AGBL4: variants seen among roughly 807,000 people sequenced by gnomAD.
The protein encoded by AGBL4 is AGBL carboxypeptidase 4.
Under a neutral mutation model 66.4 loss-of-function variants are expected in AGBL4, and 58 were observed. The ratio of observed to expected loss-of-function variants is 0.87; its 90% CI spans 0.71 to 1.09. The LOEUF (loss-of-function observed/expected upper bound fraction) is 1.09. AGBL4 is among the 50% of genes least tolerant of loss of function. The probability of loss-of-function intolerance (pLI) is 0.00; values close to 1 mark genes in which losing one functional copy is unlikely to be tolerated. For synonymous variants in AGBL4, 234 were observed against 222.9 expected, an observed-to-expected ratio of 1.05 and a Z score of -0.44; for missense variants, 579 against 631.0, an observed-to-expected ratio of 0.92 and a Z score of 0.88.
intron 3 of AGBL4, among the ~76,000 whole-genome samples, chr1:49,563,520 C>T (rs946233960): frequency 2.0e-5 from 3 of 151,950 alleles, no homozygotes; most frequent in Non-Finnish European, 4.4e-5. Context: ...TAGCATGAAG[C>T]GTTGTTGAAG....
At chr1:48,643,250 A>G (rs1645785850) in intron 8 of AGBL4, among the ~76,000 whole-genome samples, 1 of 152,162 alleles carries the variant, frequency 6.6e-6, no homozygotes, top group African/African-American at 2.4e-5. Flanking sequence ...CTGTGAGCTA[A>G]TAACAAAAAG....
Position 49,669,050 on chromosome 1 carries a change from C to T in AGBL4, c.282+28263G>A, listed in dbSNP as rs112763309. 1.8e-3 allele frequency among the ~76,000 whole-genome samples: 271 copies of T among 152,178 alleles called. 3 individuals carry two copies. Among genetic ancestry groups the T allele is most frequent in the African/African-American group, 6.0e-3 (251 of 41,536 alleles). ...AATGTTTCTGTCCTCAAGAAGCTCT[C>T]AGGCTAATGGAAGAGACACATATGC... On this transcript the variant is annotated intron_variant, in intron 3 of 13. Transcript: ENST00000371839.
chr1:48,576,166 A>G (rs924974392), intron 11 of AGBL4, among the ~76,000 whole-genome samples: 34 of 152,098 alleles, frequency 2.2e-4, no homozygotes, highest in African/African-American at 8.0e-4. Context: ...GATCATTATG[A>G]CCTGAGCTCC....
At chr1:49,571,099 C>CTT (rs35445920) in intron 3 of AGBL4, among the ~76,000 whole-genome samples, 2 of 143,542 alleles carry the variant, frequency 1.4e-5, no homozygotes, top group African/African-American at 2.5e-5. Flanking sequence ...TATTTTAGGC[C>CTT]TTTTTTTTTT....
At chr1:48,822,593 A>G (rs747569074) in intron 6 of AGBL4, among the ~76,000 whole-genome samples, 8 of 152,236 alleles carry the variant, frequency 5.3e-5, no homozygotes, top group Admixed American at 2.0e-4. Context: ...ATCTAAATGT[A>G]TATGTCTTTG....
chr1:49,128,595 A>C (rs1327326959), intron 4 of AGBL4, among the ~76,000 whole-genome samples: 1 of 152,096 alleles, frequency 6.6e-6, no homozygotes, highest in East Asian at 1.9e-4. Flanking sequence ...TTGACAAAAC[A>C]GCCAAAATAA....
chr1:49,113,667 T>C (rs1035897319), intron 4 of AGBL4, among the ~76,000 whole-genome samples: 2 of 152,232 alleles, frequency 1.3e-5, no homozygotes, highest in African/African-American at 2.4e-5. Context: ...CCTTATAAAA[T>C]GTATTTCTTA....
intron 2 of AGBL4, among the ~76,000 whole-genome samples, chr1:49,735,832 T>A (rs547070086): frequency 6.6e-6 from 1 of 152,176 alleles, no homozygotes; most frequent in East Asian, 1.9e-4. Flanking sequence ...GATAGAAGTA[T>A]AAAGACAGAG....
chr1:48,627,127 C>T (rs564514648), intron 9 of AGBL4, among the ~76,000 whole-genome samples: 15 of 152,226 alleles, frequency 9.9e-5, no homozygotes, highest in African/African-American at 3.6e-4. Context: ...CAGGTATGGA[C>T]ACTCGGGTCC....
At chr1:49,080,642 GAC>G (rs767791123) in intron 4 of AGBL4, among the ~76,000 whole-genome samples, 84 of 152,096 alleles carry the variant, frequency 5.5e-4, no homozygotes, top group Non-Finnish European at 9.0e-4. Flanking sequence ...GAATAGGAGA[GAC>G]AATGGAATAT....
At chr1:48,545,187 T>A (rs1644138855) in intron 11 of AGBL4, among the ~76,000 whole-genome samples, 1 of 152,180 alleles carries the variant, frequency 6.6e-6, no homozygotes. Flanking sequence ...TGTAAATCAA[T>A]CCTCTTGAAC....
At chr1:49,443,153 T>C (rs1646073534) in intron 3 of AGBL4, among the ~76,000 whole-genome samples, 1 of 152,150 alleles carries the variant, frequency 6.6e-6, no homozygotes, top group Non-Finnish European at 1.5e-5. Context: ...ATTGCTTGAG[T>C]TCCTTGTATA....
chr1:49,139,342 T>G (rs2148089545), intron 4 of AGBL4, among the ~76,000 whole-genome samples: 1 of 152,288 alleles, frequency 6.6e-6, no homozygotes, highest in East Asian at 1.9e-4. Flanking sequence ...AAACTGAGGC[T>G]CAATGAGGTA....
At chr1:49,074,737 G>A (rs1644677591) in intron 4 of AGBL4, among the ~76,000 whole-genome samples, 1 of 152,012 alleles carries the variant, frequency 6.6e-6, no homozygotes, top group African/African-American at 2.4e-5. Flanking sequence ...CACTCCAAAG[G>A]CCAAATTAAA....
At chr1:49,189,475 T>C (rs780873482) in intron 4 of AGBL4, among the ~76,000 whole-genome samples, 2 of 152,178 alleles carry the variant, frequency 1.3e-5, no homozygotes, top group Admixed American at 6.5e-5. Context: ...GTGGTTTACA[T>C]AGCACATTCA....
At chr1:48,761,603 C>G in intron 6 of AGBL4, 1 of 923,576 alleles carries the variant, frequency 1.1e-6, no homozygotes, top group Non-Finnish European at 1.6e-6. Context: ...CAAACAGACT[C>G]AAGGCTGGTT....
rs367813499 is a variant in AGBL4, at chr1:49,911,512, A to G, written c.35-59994T>C. Among the ~76,000 whole-genome samples, 15 of 152,318 alleles carry G rather than the reference A, an allele frequency of 9.8e-5. No homozygotes were observed. In the East Asian group the frequency reaches 2.1e-3, roughly 22 times the overall value. ...AACTACTCTGAACTTCAAATCAACAAACTTGGGACATCACCAAGATAGCAA... is the reference window on the plus strand; with the variant it reads ...AACTACTCTGAACTTCAAATCAACAGACTTGGGACATCACCAAGATAGCAA... On this transcript the variant is annotated intron_variant, in intron 1 of 13. Coordinates refer to ENST00000371839, the MANE Select transcript of AGBL4 (RefSeq NM_032785.4).
At chr1:49,549,322 T>C (rs1175398471) in intron 3 of AGBL4, among the ~76,000 whole-genome samples, 1 of 151,798 alleles carries the variant, frequency 6.6e-6, no homozygotes, top group Non-Finnish European at 1.5e-5. Flanking sequence ...TTCTGCTGGG[T>C]TTGGGTTTGG....
intron 2 of AGBL4, among the ~76,000 whole-genome samples, chr1:49,720,916 A>C (rs1314217059): frequency 2.6e-5 from 4 of 152,144 alleles, no homozygotes; most frequent in Non-Finnish European, 5.9e-5. Context: ...GTCAAACGAA[A>C]GAAGGCAGAA....
Sources: gnomAD v4.1 joint callset for allele counts (sites outside exome capture counted in the v4.1 genomes callset) on GRCh38, gnomAD v4.1.1 for gene constraint, MANE v1.5 for transcripts, NCBI Gene and HGNC (gene_info 2026-07-23, HGNC 2026-07-21) for gene names.